The following FREM1 variants were observed in gnomAD, a reference collection of about 807,000 sequenced individuals.
FREM1 encodes the protein FRAS1-related extracellular matrix protein 1.
Under a neutral mutation model 210.1 loss-of-function variants are expected in FREM1, and 220 were observed. The ratio of observed to expected loss-of-function variants is 1.05; its 90% CI spans 0.94 to 1.17. The LOEUF (loss-of-function observed/expected upper bound fraction) is 1.17. Ranked by LOEUF, FREM1 falls within the 50% of genes most tolerant of loss-of-function variation. The pLI is 0.00. For synonymous variants in FREM1, 1,189 were observed against 980.2 expected, an observed-to-expected ratio of 1.21 and a Z score of -3.98; for missense variants, 3,454 against 2,675.5, an observed-to-expected ratio of 1.29 and a Z score of -6.42.
At chr9:14,896,982 C>A (rs1294745844) in intron 1 of FREM1, among the ~76,000 whole-genome samples, 2 of 152,158 alleles carry the variant, frequency 1.3e-5, no homozygotes, top group Non-Finnish European at 2.9e-5. Flanking sequence ...GAAAACAGAT[C>A]AACCACCATG....
chr9:14,774,054 G>A (rs767343769), intron 25 of FREM1: 5 of 509,086 alleles, frequency 9.8e-6, no homozygotes, highest in East Asian at 5.5e-5. Context: ...TTAATACAAA[G>A]TGCTTCTTAC....
At chr9:14,886,828 T>A (rs975477592) in intron 1 of FREM1, among the ~76,000 whole-genome samples, 3 of 143,926 alleles carry the variant, frequency 2.1e-5, no homozygotes, top group Non-Finnish European at 3.0e-5. Flanking sequence ...AGCCTGGAGA[T>A]CGAGGTTGCA....
intron 24 of FREM1, among the ~76,000 whole-genome samples, chr9:14,781,509 T>C (rs1849638672): frequency 6.6e-6 from 1 of 152,218 alleles, no homozygotes; most frequent in Admixed American, 6.5e-5. Flanking sequence ...AAGGAAACCT[T>C]TTAACTACTA....
At chr9:14,884,207 C>T (rs369854983) in intron 1 of FREM1, among the ~76,000 whole-genome samples, 37 of 151,280 alleles carry the variant, frequency 2.4e-4, no homozygotes, top group African/African-American at 8.5e-4. Context: ...CCAGCCTGGG[C>T]GACAGAGCGA....
chr9:14,899,055 C>T (rs1042557733), intron 1 of FREM1, among the ~76,000 whole-genome samples: 3 of 152,220 alleles, frequency 2.0e-5, no homozygotes, highest in Non-Finnish European at 2.9e-5. Flanking sequence ...GACACCCACA[C>T]ACAGCTAAAG....
chr9:14,744,262 A>T (rs1018000236), intron 35 of FREM1, among the ~76,000 whole-genome samples: 17 of 152,088 alleles, frequency 1.1e-4, no homozygotes, highest in African/African-American at 3.9e-4. Context: ...GGTATAATTT[A>T]CATATAATAA....
chr9:14,763,666 A>T (rs772338795), intron 27 of FREM1, among the ~76,000 whole-genome samples: 2 of 152,146 alleles, frequency 1.3e-5, no homozygotes, highest in African/African-American at 2.4e-5. Context: ...GGTAAAGGAA[A>T]TGTTGTTTAA....
chr9:14,828,126 G>T (rs1295703427), intron 10 of FREM1, among the ~76,000 whole-genome samples: 2 of 152,166 alleles, frequency 1.3e-5, no homozygotes, highest in East Asian at 1.9e-4. Context: ...CCACCAATGT[G>T]CAACGCCATC....
intron 1 of FREM1, among the ~76,000 whole-genome samples, chr9:14,887,758 T>C (rs951288381): frequency 1.3e-5 from 2 of 152,118 alleles, no homozygotes; most frequent in Non-Finnish European, 2.9e-5. Flanking sequence ...CCTATGCATC[T>C]TTTCGTTTAT....
At chr9:14,871,123 A>T (rs964373444) in intron 1 of FREM1, among the ~76,000 whole-genome samples, 1 of 152,110 alleles carries the variant, frequency 6.6e-6, no homozygotes, top group African/African-American at 2.4e-5. Flanking sequence ...ATACGTGTGC[A>T]TGTGTCTTTA....
intron 32 of FREM1, 54 bp from the exon 33 acceptor site, chr9:14,747,482 C>A: frequency 1.3e-6 from 2 of 1,524,040 alleles, no homozygotes; most frequent in East Asian, 2.3e-5. Context: ...ATCAAGATAG[C>A]AAACAAAAAA....
chr9:14,874,087 A>G (rs1833234100), intron 1 of FREM1, among the ~76,000 whole-genome samples: 1 of 152,128 alleles, frequency 6.6e-6, no homozygotes, highest in South Asian at 2.1e-4. Context: ...TTTACTTCCA[A>G]CTATGTGGTC....
At chr9:14,831,938 G>A (rs554879271) in intron 10 of FREM1, among the ~76,000 whole-genome samples, 1 of 152,268 alleles carries the variant, frequency 6.6e-6, no homozygotes, top group South Asian at 2.1e-4. Context: ...ATAGCTGGGG[G>A]GACGCCCTCT....
intron 4 of FREM1, among the ~76,000 whole-genome samples, chr9:14,858,753 T>A (rs965569862): frequency 1.3e-5 from 2 of 152,148 alleles, no homozygotes; most frequent in African/African-American, 4.8e-5. Flanking sequence ...ACCCACTAGC[T>A]TTACTTCAAA....
chr9:14,758,047 G>A (rs960851339), intron 28 of FREM1, among the ~76,000 whole-genome samples: 1 of 152,158 alleles, frequency 6.6e-6, no homozygotes, highest in Non-Finnish European at 1.5e-5. Flanking sequence ...ATGGTCTGAG[G>A]CAAGGTGGTT....
intron 1 of FREM1, among the ~76,000 whole-genome samples, chr9:14,895,370 C>A (rs1172071079): frequency 6.6e-6 from 1 of 152,102 alleles, no homozygotes; most frequent in Non-Finnish European, 1.5e-5. Context: ...ATTCTAGTCT[C>A]ATCAGTTGTT....
intron 21 of FREM1, among the ~76,000 whole-genome samples, chr9:14,796,530 T>A (rs905542192): frequency 6.6e-5 from 10 of 152,188 alleles, no homozygotes; most frequent in Non-Finnish European, 1.3e-4. Flanking sequence ...GAGAGTGATA[T>A]GGTTTGGCTG....
chr9:14,826,325 C>G (rs1024904863), intron 10 of FREM1, among the ~76,000 whole-genome samples: 1 of 152,160 alleles, frequency 6.6e-6, no homozygotes. Context: ...CTCCTGACTT[C>G]AAGTGATCCG....
intron 1 of FREM1, among the ~76,000 whole-genome samples, chr9:14,870,615 G>C (rs1832467917): frequency 6.6e-6 from 1 of 151,748 alleles, no homozygotes; most frequent in African/African-American, 2.4e-5. Flanking sequence ...CCCTTAGAAA[G>C]GCTATCAATT....
Sources: allele counts gnomAD v4.1 joint callset (sites outside exome capture counted in the v4.1 genomes callset), GRCh38; gene constraint gnomAD v4.1.1; transcripts MANE v1.5; gene names NCBI Gene and HGNC (gene_info 2026-07-23, HGNC 2026-07-21).